Variants in EBF2 observed in about 807,000 individuals in gnomAD.
EBF2 encodes EBF transcription factor 2, also known as transcription factor COE2.
A neutral mutation model predicts 72.8 loss-of-function variants in EBF2; 21 were observed. The ratio of observed to expected loss-of-function variants is 0.29; its 90% confidence interval spans 0.20 to 0.42. EBF2 has a LOEUF of 0.42. Among genes scored for constraint, EBF2 ranks in the 10% least tolerant of loss-of-function variants. The pLI, the probability that EBF2 is intolerant of heterozygous loss-of-function variation, is 1.00. For synonymous variants in EBF2, 299 were observed against 274.2 expected, an observed-to-expected ratio of 1.09 and a Z score of -0.89; for missense variants, 637 against 731.2, an observed-to-expected ratio of 0.87 and a Z score of 1.49.
intron 7 of EBF2, among the ~76,000 whole-genome samples, chr8:25,892,161 TAA>T (rs1802793442): frequency 6.6e-6 from 1 of 152,224 alleles, no homozygotes; most frequent in Non-Finnish European, 1.5e-5. Context: ...GTGTAATTTA[TAA>T]GTTAGGCACA....
At chr8:26,031,201 A>T (rs1805397394) in intron 6 of EBF2, among the ~76,000 whole-genome samples, 1 of 152,170 alleles carries the variant, frequency 6.6e-6, no homozygotes, top group South Asian at 2.1e-4. Flanking sequence ...AGTGGAAAAG[A>T]CTAGATCAAG....
Position 26,040,654 on chromosome 8 carries a change from C to T in EBF2, c.370G>A (p.Asp124Asn). ...LYSNGVRTEQDLYVRLIDSVT... is the reference protein window; with the variant it reads ...LYSNGVRTEQNLYVRLIDSVT... ...GAGTCGATGAGCCTGACATAGAGGTCCTGTTCCGTGCGGACACCTGCGGGG... is the reference window on the plus strand; with the variant it reads ...GAGTCGATGAGCCTGACATAGAGGTTCTGTTCCGTGCGGACACCTGCGGGG... Residue 124 changes from aspartate (D) to asparagine (N), a missense_variant, in exon 4 of 16, where the codon GAC becomes AAC. Physicochemically the swap from Asp to Asn is conservative, Grantham distance 23. This residue lies in a region of EBF2 where 174 missense variants were observed against 161.9 expected (regional missense o/e 1.07). Transcript: ENST00000520164. 1 of 1,555,542 alleles carries T rather than the reference C, an allele frequency of 6.4e-7. No individual in the cohort carries two copies. The highest frequency in any genetic ancestry group is 8.7e-7 in the Non-Finnish European group (1 of 1,149,042).
Position 26,028,345 on chromosome 8 carries a change from T to A in EBF2, c.551+4740A>T, listed in dbSNP as rs952746538. Among the ~76,000 whole-genome samples, 92 of 152,168 alleles carry A rather than the reference T, an allele frequency of 6.0e-4. 1 individual carries two copies. The highest frequency in any genetic ancestry group is 2.2e-3 in the African/African-American group (92 of 41,436). On this transcript the variant is annotated intron_variant, in intron 6 of 15. Coordinates refer to ENST00000520164, the MANE Select transcript of EBF2 (RefSeq NM_022659.4). ...AGCTCAGAAATATATGAGACCAATG[T>A]CCAGGGACAAAAGACTGGGATATTT...
intron 10 of EBF2, among the ~76,000 whole-genome samples, chr8:25,864,942 C>T (rs972019204): frequency 1.1e-4 from 17 of 151,886 alleles, no homozygotes; most frequent in South Asian, 8.3e-4. Flanking sequence ...GGCTTACAGG[C>T]GCGCGCCACC....
intron 6 of EBF2, among the ~76,000 whole-genome samples, chr8:26,022,398 C>T (rs998016371): frequency 2.6e-5 from 4 of 152,158 alleles, no homozygotes; most frequent in African/African-American, 7.2e-5. Context: ...AAACAGCTCA[C>T]CATTTATCTC....
chr8:25,851,168 C>G (rs1801961953), intron 14 of EBF2, among the ~76,000 whole-genome samples: 1 of 152,058 alleles, frequency 6.6e-6, no homozygotes, highest in African/African-American at 2.4e-5. Context: ...GCTTTCACAC[C>G]CTACAAAAAA....
chr8:25,990,336 A>G (rs543996479), intron 6 of EBF2, among the ~76,000 whole-genome samples: 1 of 152,240 alleles, frequency 6.6e-6, no homozygotes, highest in African/African-American at 2.4e-5. Context: ...TTAAGTCAAA[A>G]CTTTACAAGA....
At chr8:25,979,709 C>T (rs1315764195) in intron 6 of EBF2, among the ~76,000 whole-genome samples, 1 of 152,080 alleles carries the variant, frequency 6.6e-6, no homozygotes, top group Non-Finnish European at 1.5e-5. Context: ...CCTTGCAGCC[C>T]TTCTGACGTC....
At chr8:25,946,249 C>G (rs1216469250) in intron 6 of EBF2, among the ~76,000 whole-genome samples, 1 of 152,226 alleles carries the variant, frequency 6.6e-6, no homozygotes, top group Non-Finnish European at 1.5e-5. Flanking sequence ...GGGCATGGGA[C>G]TGTGCACACA....
At chr8:25,943,311 C>CAAAAAAAAAAAA (rs71551840) in intron 6 of EBF2, among the ~76,000 whole-genome samples, 13 of 59,024 alleles carry the variant, frequency 2.2e-4, no homozygotes, top group Admixed American at 3.8e-4. Flanking sequence ...TGTCTCTACA[C>CAAAAAAAAAAAA]AAAAAAAAAA....
chr8:25,924,972 C>T (rs900781240), intron 6 of EBF2, among the ~76,000 whole-genome samples: 3 of 152,160 alleles, frequency 2.0e-5, no homozygotes, highest in Non-Finnish European at 2.9e-5. Context: ...CAGGACTGAG[C>T]CTTTTCCCAG....
chr8:25,927,467 C>A (rs1033073468), intron 6 of EBF2, among the ~76,000 whole-genome samples: 1 of 151,606 alleles, frequency 6.6e-6, no homozygotes, highest in African/African-American at 2.4e-5. Flanking sequence ...CTCTGGAGAA[C>A]CCTGGCTGAT....
chr8:25,910,760 T>G (rs963936459), intron 6 of EBF2, among the ~76,000 whole-genome samples: 1 of 152,048 alleles, frequency 6.6e-6, no homozygotes, highest in Middle Eastern at 3.2e-3. Context: ...CACAGCCCCG[T>G]GCACTCTGAG....
chr8:26,018,526 C>T (rs1012851618), intron 6 of EBF2, among the ~76,000 whole-genome samples: 3 of 148,324 alleles, frequency 2.0e-5, no homozygotes, highest in African/African-American at 7.5e-5. Context: ...AAAAAATTAG[C>T]CGGGCGTGGT....
chr8:26,043,158 AC>A (rs1375009181), intron 1 of EBF2, among the ~76,000 whole-genome samples: 4 of 152,198 alleles, frequency 2.6e-5, no homozygotes, highest in Admixed American at 6.5e-5. Context: ...GTGTGTGCAC[AC>A]GCTTCCCAGC....
chr8:26,042,503 C>A (rs1805621881), intron 1 of EBF2, among the ~76,000 whole-genome samples: 1 of 152,158 alleles, frequency 6.6e-6, no homozygotes, highest in African/African-American at 2.4e-5. Flanking sequence ...CGGCATCCCA[C>A]CGCTGGGCCA....
intron 6 of EBF2, among the ~76,000 whole-genome samples, chr8:26,029,910 C>CT (rs912635724): frequency 6.6e-6 from 1 of 151,980 alleles, no homozygotes. Context: ...ACTTTATGCC[C>CT]TTTTTTTTCT....
chr8:26,017,598 G>C (rs538112517), intron 6 of EBF2, among the ~76,000 whole-genome samples: 1 of 152,136 alleles, frequency 6.6e-6, no homozygotes, highest in Admixed American at 6.5e-5. Flanking sequence ...CCTTTTTATA[G>C]TCCGCTTGCT....
chr8:25,969,182 A>T (rs1045395467), intron 6 of EBF2, among the ~76,000 whole-genome samples: 2 of 152,218 alleles, frequency 1.3e-5, no homozygotes, highest in African/African-American at 4.8e-5. Flanking sequence ...ATTGTCTAAG[A>T]AGATTTAGGT....
Sources: allele counts gnomAD v4.1 joint callset (sites outside exome capture counted in the v4.1 genomes callset), GRCh38; gene constraint gnomAD v4.1.1; regional missense constraint gnomAD v4.1.1; transcripts MANE v1.5; gene names NCBI Gene and HGNC (gene_info 2026-07-23, HGNC 2026-07-21).